Variants in SPMIP2 observed in about 807,000 individuals in gnomAD.
The protein encoded by SPMIP2 is sperm microtubule inner protein 2, also known as protein SPMIP2.
At chr4:158,987,966 T>G in the SPMIP2 span, among the ~76,000 whole-genome samples, 1 of 152,014 alleles carries the variant, frequency 6.6e-6, no homozygotes, top group Non-Finnish European at 1.5e-5. Context: ...AGCTGGTTTT[T>G]TGAAAAGATC....
At chr4:158,905,394 C>G in the SPMIP2 span, 1 of 152,168 alleles carries the variant, frequency 6.6e-6, no homozygotes, top group African/African-American at 2.4e-5. Context: ...TCTATAAGCT[C>G]AAGAGTGTTT....
the SPMIP2 span, among the ~76,000 whole-genome samples, chr4:158,981,386 C>A: frequency 6.6e-6 from 1 of 152,046 alleles, no homozygotes; most frequent in Admixed American, 6.6e-5. Flanking sequence ...AGAAGAGCAA[C>A]CCCAAGACAC....
the SPMIP2 span, chr4:158,937,427 G>A: frequency 6.5e-6 from 1 of 154,342 alleles, no homozygotes; most frequent in Non-Finnish European, 1.5e-5. Context: ...AAATTTTAGC[G>A]ATCAAAATCC....
At chr4:158,951,063 C>T in the SPMIP2 span, among the ~76,000 whole-genome samples, 2 of 152,216 alleles carry the variant, frequency 1.3e-5, no homozygotes, top group Admixed American at 1.3e-4. Context: ...CGTATCCTGT[C>T]AGGTTAAACT....
At chr4:158,985,940 A>G in the SPMIP2 span, among the ~76,000 whole-genome samples, 1 of 149,428 alleles carries the variant, frequency 6.7e-6, no homozygotes, top group Non-Finnish European at 1.5e-5. Context: ...GAAAAGTCTC[A>G]GGATACAAAA....
the SPMIP2 span, among the ~76,000 whole-genome samples, chr4:159,045,039 C>T: frequency 6.0e-5 from 9 of 151,034 alleles, no homozygotes; most frequent in African/African-American, 2.0e-4. Context: ...CGCAGTGAGC[C>T]GAGATTATAC....
chr4:158,973,420 C>A, the SPMIP2 span: 1 of 615,668 alleles, frequency 1.6e-6, no homozygotes, highest in Non-Finnish European at 2.7e-6. Context: ...GTACTTACTA[C>A]GTTCTAGGTT....
chr4:158,895,884 C>T, the SPMIP2 span: 13 of 1,540,732 alleles, frequency 8.4e-6, no homozygotes, highest in African/African-American at 2.7e-5. Flanking sequence ...TGTGAAGTGC[C>T]GTCACTTGTC....
chr4:159,070,521 C>A, the SPMIP2 span, among the ~76,000 whole-genome samples: 5 of 152,088 alleles, frequency 3.3e-5, no homozygotes, highest in African/African-American at 1.2e-4. Context: ...AGTTTTAATG[C>A]CAGATGATGC....
At chr4:159,080,179 C>T in the SPMIP2 span, among the ~76,000 whole-genome samples, 1 of 151,288 alleles carries the variant, frequency 6.6e-6, no homozygotes, top group African/African-American at 2.4e-5. Context: ...AAGATATATG[C>T]GTTCTGATAC....
chr4:158,973,300 T>G, the SPMIP2 span: 1 of 1,609,900 alleles, frequency 6.2e-7, no homozygotes, highest in Non-Finnish European at 8.5e-7. Flanking sequence ...TAATCCTTTA[T>G]GTAGTCTGGA....
chr4:158,997,665 T>G, the SPMIP2 span, among the ~76,000 whole-genome samples: 1 of 152,132 alleles, frequency 6.6e-6, no homozygotes, highest in Non-Finnish European at 1.5e-5. Flanking sequence ...TTGTTGTTAT[T>G]GTTTAGAGAC....
At chr4:159,023,995 T>C in the SPMIP2 span, among the ~76,000 whole-genome samples, 49 of 152,224 alleles carry the variant, frequency 3.2e-4, no homozygotes, top group Non-Finnish European at 6.6e-4. Context: ...TCAGTTCTGC[T>C]CAGACTCAGC....
the SPMIP2 span, among the ~76,000 whole-genome samples, chr4:158,903,078 G>A: frequency 2.6e-5 from 4 of 152,160 alleles, no homozygotes; most frequent in African/African-American, 7.2e-5. Context: ...CCAAATGGCC[G>A]CCCAGTTTTG....
chr4:158,985,608 A>G, the SPMIP2 span, among the ~76,000 whole-genome samples: 1 of 152,250 alleles, frequency 6.6e-6, no homozygotes, highest in Non-Finnish European at 1.5e-5. Flanking sequence ...AACTCTCAAT[A>G]AATTAGGTAT....
the SPMIP2 span, among the ~76,000 whole-genome samples, chr4:158,978,691 G>T: frequency 4.6e-5 from 7 of 152,022 alleles, no homozygotes; most frequent in African/African-American, 7.2e-5. Context: ...TGTCTTTTTT[G>T]ATCCTTGTTG....
the SPMIP2 span, among the ~76,000 whole-genome samples, chr4:158,952,718 G>T: frequency 6.6e-6 from 1 of 152,226 alleles, no homozygotes; most frequent in African/African-American, 2.4e-5. Flanking sequence ...TTGTCGAATG[G>T]CTTTGACCAG....
chr4:159,011,975 G>GA, the SPMIP2 span, among the ~76,000 whole-genome samples: 1 of 150,988 alleles, frequency 6.6e-6, no homozygotes, highest in South Asian at 2.1e-4. Context: ...AGAATCACTT[G>GA]AACCCAGAAG....
At chr4:158,975,220 G>A in the SPMIP2 span, among the ~76,000 whole-genome samples, 1 of 151,916 alleles carries the variant, frequency 6.6e-6, no homozygotes, top group African/African-American at 2.4e-5. Flanking sequence ...TGGATAGATT[G>A]CAAAAATTTT....
Sources: gnomAD v4.1 joint callset for allele counts (sites outside exome capture counted in the v4.1 genomes callset) on GRCh38, gnomAD v4.1.1 for gene constraint, MANE v1.5 for transcripts, NCBI Gene and HGNC (gene_info 2026-07-23, HGNC 2026-07-21) for gene names.